The following ABCC4 variants were observed in gnomAD, a reference collection of about 807,000 sequenced individuals.
The protein encoded by ABCC4 is ATP binding cassette subfamily C member 4 (PEL blood group), also known as ATP-binding cassette sub-family C member 4.
Under a neutral mutation model 168.5 loss-of-function variants are expected in ABCC4, and 102 were observed. The observed-to-expected ratio is 0.61, with a 90% CI of 0.52 to 0.71. The LOEUF (loss-of-function observed/expected upper bound fraction) is 0.71. Among genes scored for constraint, ABCC4 ranks in the 30% least tolerant of loss-of-function variants. The pLI is 0.00. For synonymous variants in ABCC4, 617 were observed against 590.7 expected (o/e 1.04, Z -0.65); for missense variants, 1,402 against 1,605.8 (o/e 0.87, Z 2.17).
intron 3 of ABCC4, among the ~76,000 whole-genome samples, chr13:95,237,550 G>A (rs535938728): frequency 2.1e-4 from 32 of 152,250 alleles, no homozygotes; most frequent in Admixed American, 1.2e-3. Flanking sequence ...TGAGAGTCCA[G>A]TAGGATACTT....
intron 20 of ABCC4, among the ~76,000 whole-genome samples, chr13:95,092,430 A>G (rs1364153389): frequency 2.6e-5 from 4 of 152,184 alleles, no homozygotes; most frequent in Non-Finnish European, 5.9e-5. Flanking sequence ...GGAATCTTCA[A>G]AACCATGCAA....
intron 11 of ABCC4, among the ~76,000 whole-genome samples, chr13:95,185,232 T>C (rs1339017240): frequency 6.6e-6 from 1 of 152,156 alleles, no homozygotes; most frequent in Non-Finnish European, 1.5e-5. Flanking sequence ...TGTGTGTGCA[T>C]ATGTGTGAGC....
intron 4 of ABCC4, among the ~76,000 whole-genome samples, chr13:95,223,730 G>A (rs906141008): frequency 1.3e-5 from 2 of 152,164 alleles, no homozygotes; most frequent in East Asian, 3.8e-4. Context: ...TCAAACTCCT[G>A]ACTTCATGTG....
At chr13:95,207,720 T>C (rs2274408) in intron 7 of ABCC4, 80 bp downstream of exon 7, 924,413 of 1,457,318 alleles carry the variant, frequency 0.63, 297,348 homozygotes, top group Non-Finnish European at 0.66. Flanking sequence ...TGTGAAAACA[T>C]AGTAAAACTT....
Position 95,083,263 on chromosome 13 carries a change from A to G in ABCC4, c.2563T>C (p.Ser855Pro). The stretch of plus-strand genomic sequence containing the variant: ...CAAGGAATCACGGCCACAGCCACAG[A>G]GACCACACCAACCACTTGTAGCAAT... Reference protein sequence around the residue: ...QTLLQVVGVVSVAVAVIPWIA... With the variant: ...QTLLQVVGVVPVAVAVIPWIA... The change falls in exon 21 of 31, where the codon TCT becomes CCT. Residue 855 changes from serine (S) to proline (P), a missense_variant. Ser to Pro is a moderately conservative substitution (Grantham distance 74). This residue lies in a region of ABCC4 where 1,007 missense variants were observed against 1,127.3 expected (regional missense o/e 0.89). Transcript: ENST00000645237. 6.2e-7 allele frequency: 1 copy of G among 1,614,078 alleles called. No individual in the cohort carries two copies. Among genetic ancestry groups the G allele is most frequent in the Non-Finnish European group, 8.5e-7 (1 of 1,179,944 alleles).
Position 95,234,850 on chromosome 13 carries a change from GA to G in ABCC4, c.307-17del. The G allele has an allele frequency of 6.6e-7, 1 of 1,506,776 alleles. No individual in the cohort carries two copies. The highest frequency in any genetic ancestry group is 2.5e-5 in the East Asian group (1 of 40,734). The allele number at this position is 1,506,776 out of a possible 1,614,324, so 93.3% of individuals were successfully genotyped here. ...TGGCACTTTCCTAAAAGAAGAAAAA[GA>G]AAAGCCTTTAATTAGACATACAGAC... On this transcript the variant is annotated splice_polypyrimidine_tract_variant and intron_variant, in intron 3 of 30. Coordinates refer to ENST00000645237, the MANE Select transcript of ABCC4 (RefSeq NM_005845.5).
chr13:95,206,914 C>T, intron 7 of ABCC4, 133 bp from the exon 8 acceptor site: 1 of 974,376 alleles, frequency 1.0e-6, no homozygotes, highest in South Asian at 1.6e-5. Context: ...CCATCCTGGG[C>T]AACAACAACA....
At chr13:95,077,099 A>G (rs1031262642) in intron 21 of ABCC4, among the ~76,000 whole-genome samples, 2 of 152,184 alleles carry the variant, frequency 1.3e-5, no homozygotes, top group African/African-American at 4.8e-5. Context: ...CATGAGGGCT[A>G]GCTACTTTTG....
At chr13:95,141,697 C>T (rs1383656800) in intron 19 of ABCC4, among the ~76,000 whole-genome samples, 1 of 152,180 alleles carries the variant, frequency 6.6e-6, no homozygotes, top group Non-Finnish European at 1.5e-5. Flanking sequence ...AGAAGCTAAT[C>T]CAATCATCCA....
intron 1 of ABCC4, among the ~76,000 whole-genome samples, chr13:95,282,574 G>A (rs574558024): frequency 4.0e-5 from 6 of 151,164 alleles, no homozygotes; most frequent in South Asian, 4.2e-4. Context: ...TTGCTCTGTC[G>A]CCCAGGCTGG....
rs192153078 is a variant in ABCC4, at chr13:95,206,861, G to A, written c.912-80C>T. On this transcript the variant is annotated intron_variant, in intron 7 of 30. Coordinates refer to ENST00000645237, the MANE Select transcript of ABCC4 (RefSeq NM_005845.5). ...CTCACGCCTGCAATCTCAGCACTTT[G>A]GGAGCTGAGGTGGATGAATTGTTTG... 67 of 1,483,792 alleles carry A rather than the reference G, an allele frequency of 4.5e-5. No homozygotes were observed. In the Admixed American group the frequency reaches 9.3e-4, roughly 21 times the overall value. The allele number at this position is 1,483,792 out of a possible 1,614,324, so 91.9% of individuals were successfully genotyped here. A position where few individuals can be genotyped will look rare whatever the true frequency, so the allele number is the denominator to read the frequency against.
intron 1 of ABCC4, among the ~76,000 whole-genome samples, chr13:95,266,637 C>T (rs2040682099): frequency 6.6e-6 from 1 of 152,130 alleles, no homozygotes. Flanking sequence ...GTCCAGACAG[C>T]AGAGTTCAGA....
At chr13:95,115,231 CAAAAG>C (rs59129706) in intron 20 of ABCC4, among the ~76,000 whole-genome samples, 5,052 of 146,094 alleles carry the variant, frequency 0.035, 267 homozygotes, top group African/African-American at 0.12. Context: ...AGTTCACAAA[CAAAAG>C]AAAAGTTTTA....
At chr13:95,027,452 T>C (rs1285772358) in intron 30 of ABCC4, among the ~76,000 whole-genome samples, 1 of 152,220 alleles carries the variant, frequency 6.6e-6, no homozygotes, top group Non-Finnish European at 1.5e-5. Context: ...AACACACTAG[T>C]CATGATGGAC....
intron 4 of ABCC4, among the ~76,000 whole-genome samples, chr13:95,232,621 G>A (rs796433012): frequency 9.9e-5 from 15 of 150,838 alleles, no homozygotes; most frequent in African/African-American, 3.7e-4. Flanking sequence ...AGGTTGCAGT[G>A]AGCAGAGGTT....
chr13:95,267,041 T>G (rs1206795628), intron 1 of ABCC4, among the ~76,000 whole-genome samples: 1 of 151,882 alleles, frequency 6.6e-6, no homozygotes, highest in Admixed American at 6.6e-5. Context: ...GCCCAGCTAA[T>G]TTGTTTTGTA....
At position 95,172,732 on chromosome 13, in the gene ABCC4, G is replaced by T. The variant is rs150812853; in HGVS notation, c.1728-2104C>A. Among the ~76,000 whole-genome samples, 624 of 152,050 alleles carry T rather than the reference G, an allele frequency of 4.1e-3. 4 individuals carry two copies. Among genetic ancestry groups the T allele is most frequent in the African/African-American group, 0.014 (571 of 41,480 alleles). ...GATCTTTTGAACCCAGGAGTTAAAG[G>T]CCAGTCTGGGCAACATGGAGAGATC... On this transcript the variant is annotated intron_variant, in intron 13 of 30. Coordinates refer to ENST00000645237, the MANE Select transcript of ABCC4 (RefSeq NM_005845.5).
intron 20 of ABCC4, among the ~76,000 whole-genome samples, chr13:95,093,293 C>A (rs2034494038): frequency 1.3e-5 from 2 of 152,048 alleles, no homozygotes; most frequent in Non-Finnish European, 2.9e-5. Flanking sequence ...AAATCCTTAA[C>A]AAAATACTTG....
chr13:95,300,128 C>G (rs912400614), intron 1 of ABCC4, among the ~76,000 whole-genome samples: 1 of 152,170 alleles, frequency 6.6e-6, no homozygotes, highest in Non-Finnish European at 1.5e-5. Flanking sequence ...CGTGAGCCAC[C>G]GCGCCAGGCC....
Sources: allele counts gnomAD v4.1 joint callset (sites outside exome capture counted in the v4.1 genomes callset), GRCh38; gene constraint gnomAD v4.1.1; regional missense constraint gnomAD v4.1.1; transcripts MANE v1.5; gene names NCBI Gene and HGNC (gene_info 2026-07-23, HGNC 2026-07-21).